WDR36: variants seen among roughly 807,000 people sequenced by gnomAD.
WDR36 encodes WD repeat-containing protein 36.
WDR36 carries 63 observed loss-of-function variants against 112.7 expected under a neutral mutation model. That is an observed-to-expected ratio of 0.56 (90% CI 0.46 to 0.69). WDR36 has a LOEUF of 0.69. WDR36 is among the 30% of genes least tolerant of loss of function. The pLI is 0.00. For synonymous variants in WDR36, 410 were observed against 362.2 expected (o/e 1.13, Z -1.50); for missense variants, 1,226 against 1,070.3 (o/e 1.15, Z -2.03).
intron 3 of WDR36, 28 bp from the exon 4 acceptor site, chr5:111,098,694 G>A: frequency 2.2e-6 from 3 of 1,363,634 alleles, no homozygotes; most frequent in Non-Finnish European, 3.2e-6. Context: ...GTAATAATAT[G>A]AAATTCTTTT....
chr5:111,092,552 G>C lies in WDR36; in HGVS notation c.96G>C (p.Arg32=). 1 of 1,614,220 alleles carries C rather than the reference G, an allele frequency of 6.2e-7. No individual in the cohort carries two copies. Among genetic ancestry groups the C allele is most frequent in the Non-Finnish European group, 8.5e-7 (1 of 1,180,042 alleles). Residue 32 remains arginine, a synonymous_variant, in exon 1 of 23, where the codon CGG becomes CGC. Coordinates refer to ENST00000513710, the MANE Select transcript of WDR36 (RefSeq NM_139281.3). ...LFSNDIPHVV[R]FSALKRRFYV... ...GCAACGACATTCCACACGTGGTGCGGTTCAGCGCGCTCAAGCGCCGGTTCT... is the reference window on the plus strand; with the variant it reads ...GCAACGACATTCCACACGTGGTGCGCTTCAGCGCGCTCAAGCGCCGGTTCT...
rs568717295 is a variant in WDR36, at chr5:111,108,101, G to A, written c.1326+662G>A. Among the ~76,000 whole-genome samples, 4 of 151,408 alleles carry A rather than the reference G, an allele frequency of 2.6e-5. No homozygotes were observed. The East Asian group carries it at 5.8e-4, about 22-fold the overall frequency. Reference sequence around the variant, plus strand: ...AGTGTTGTCTCTGATCTATGAACATGGGGTGTTTTTCCATTTGTTTAGATC... The same window carrying A: ...AGTGTTGTCTCTGATCTATGAACATAGGGTGTTTTTCCATTTGTTTAGATC... On this transcript the variant is annotated intron_variant, in intron 12 of 22. Coordinates refer to ENST00000513710, the MANE Select transcript of WDR36 (RefSeq NM_139281.3).
chr5:111,101,129 C>A (rs1165986370), intron 5 of WDR36, among the ~76,000 whole-genome samples: 5 of 151,908 alleles, frequency 3.3e-5, no homozygotes, highest in South Asian at 2.1e-4. Flanking sequence ...TTGGGGAAGT[C>A]CTGGAACCAA....
At chr5:111,121,763 A>G (rs951858305) in intron 19 of WDR36, among the ~76,000 whole-genome samples, 1 of 152,148 alleles carries the variant, frequency 6.6e-6, no homozygotes, top group Non-Finnish European at 1.5e-5. Flanking sequence ...TTTTTAGAGT[A>G]TGTTTTATGA....
At chr5:111,114,841 T>C (rs1390946803) in intron 16 of WDR36, among the ~76,000 whole-genome samples, 1 of 151,850 alleles carries the variant, frequency 6.6e-6, no homozygotes, top group East Asian at 1.9e-4. Flanking sequence ...TAGTGCCTTT[T>C]TCATTTTCCT....
At chr5:111,095,116 T>TAGTTGTTATGTATCTTTATTTTCTTTA in intron 2 of WDR36, 169 bp downstream of exon 2, 1 of 635,000 alleles carries the variant, frequency 1.6e-6, no homozygotes, top group Admixed American at 2.9e-5. Context: ...GTTTTGCTTT[T>TAGTTGTTATGTATCTTTATTTTCTTTA]AGTTGTTATG....
At chr5:111,108,000 G>A (rs1753253486) in intron 12 of WDR36, among the ~76,000 whole-genome samples, 2 of 151,042 alleles carry the variant, frequency 1.3e-5, no homozygotes, top group South Asian at 2.1e-4. Flanking sequence ...ATTTTAGAAT[G>A]AGCTTATCAA....
chr5:111,099,449 TTG>T (rs1753068100), intron 4 of WDR36, among the ~76,000 whole-genome samples: 3 of 94,396 alleles, frequency 3.2e-5, no homozygotes, highest in African/African-American at 8.9e-5. Context: ...TGGTTTTTTT[TTG>T]TTTTTTTTTT....
At chr5:111,097,015 T>C (rs775916805) in intron 2 of WDR36, 64 bp from the exon 3 acceptor site, 3 of 1,106,914 alleles carry the variant, frequency 2.7e-6, no homozygotes, top group Non-Finnish European at 4.2e-6. Flanking sequence ...GTTATATGTA[T>C]ACTTGAGGTT....
Position 111,120,597 on chromosome 5 carries a change from A to G in WDR36, c.2002+4A>G. The G allele has an allele frequency of 6.2e-7, 1 of 1,605,910 alleles. No homozygotes were observed. ...CCTGGTACTTGTCAAACCCAAGGTA[A>G]TTAGAAAATTGCAAAGTAATTTTTG... On this transcript the variant is annotated splice_donor_region_variant and intron_variant, in intron 18 of 22. Transcript: ENST00000513710.
At chr5:111,111,047 A>G (rs1266129048) in intron 14 of WDR36, 94 bp downstream of exon 14, 2 of 1,557,702 alleles carry the variant, frequency 1.3e-6, no homozygotes, top group Non-Finnish European at 1.8e-6. Flanking sequence ...AGACTCTTTA[A>G]TAAAGAACAA....
At chr5:111,120,660 T>A in intron 18 of WDR36, 67 bp downstream of exon 18, 1 of 1,338,376 alleles carries the variant, frequency 7.5e-7, no homozygotes, top group Non-Finnish European at 1.1e-6. Flanking sequence ...GAGATATTGC[T>A]ACCAAAGGCA....
chr5:111,120,387 G>T, intron 17 of WDR36, 109 bp from the exon 18 acceptor site: 3 of 849,586 alleles, frequency 3.5e-6, no homozygotes, highest in Non-Finnish European at 5.7e-6. Context: ...TATCTTTGAG[G>T]TATTTTTTAA....
At chr5:111,106,168 G>A (rs1753218791) in intron 11 of WDR36, 25 bp downstream of exon 11, 12 of 1,574,470 alleles carry the variant, frequency 7.6e-6, no homozygotes, top group Non-Finnish European at 1.0e-5. Flanking sequence ...ACTGTGTTTT[G>A]AGAAGTTCTC....
chr5:111,102,532 T>A, intron 6 of WDR36, 133 bp downstream of exon 6: 1 of 891,128 alleles, frequency 1.1e-6, no homozygotes, highest in Non-Finnish European at 1.8e-6. Context: ...ATTGTTAGCC[T>A]GAGGAAATAG....
At position 111,107,018 on chromosome 5, in the gene WDR36, T is replaced by C. The variant is rs190307450; in HGVS notation, c.1181-276T>C. 1.4e-4 allele frequency among the ~76,000 whole-genome samples: 21 copies of C among 151,574 alleles called. No individual in the cohort carries two copies. The East Asian group carries it at 3.9e-3, about 28-fold the overall frequency. ...TTATTGTAATTTCTTCTGATTAGAA[T>C]CTCTTGTTAGGTATGTTAATTAGCT... On this transcript the variant is annotated intron_variant, in intron 11 of 22. Coordinates refer to ENST00000513710, the MANE Select transcript of WDR36 (RefSeq NM_139281.3).
rs1254249369 is a variant in WDR36 at position 111,092,602 on chromosome 5, G to A, written c.146G>A (p.Ser49Asn). 1.9e-6 allele frequency: 3 copies of A among 1,613,534 alleles called. No homozygotes were observed. The highest frequency in any genetic ancestry group is 1.7e-6 in the Non-Finnish European group (2 of 1,179,898). ...RFYVTTCVGK[S>N]FHTYDVQKLS... ...TATGTAACAACCTGCGTGGGCAAGA[G>A]TTTCCACACCTATGACGTGAGTGAC... The change falls in exon 1 of 23, where the codon AGT (serine) becomes AAT (asparagine). Residue 49 changes from serine (S) to asparagine (N), a missense_variant. By Grantham distance (46) the Ser-to-Asn change is conservative. Coordinates refer to ENST00000513710, the MANE Select transcript of WDR36 (RefSeq NM_139281.3).
Position 111,129,368 on chromosome 5 carries a change from T to A in WDR36, c.*2485T>A. The A allele has an allele frequency of 1.0e-5, 2 of 193,170 alleles. No homozygotes were observed. The highest frequency in any genetic ancestry group is 6.1e-5 in the Admixed American group (1 of 16,394). 12.0% of individuals were successfully genotyped at this position (193,170 alleles called of 1,614,324 possible). ...AGTTACAGTTCCCCTGAGCAAGATA[T>A]GAGCATCTGCTTCCCCATGTAATTA... On this transcript the variant is annotated 3_prime_UTR_variant, in exon 23 of 23. Transcript: ENST00000513710.
Position 111,125,713 on chromosome 5 carries a change from G to A in WDR36, c.2456G>A (p.Ser819Asn). The stretch of plus-strand genomic sequence containing the variant: ...GGTGGGTCCATAGAAGTTATGCAGA[G>A]CTTCTTGAAAATGATTGGGATGATG... ...DCGGSIEVMQ[S>N]FLKMIGMMLD... Residue 819 changes from serine (S) to asparagine (N), a missense_variant, in exon 22 of 23, where the codon AGC becomes AAC. Physicochemically the swap from Ser to Asn is conservative, Grantham distance 46. Coordinates refer to ENST00000513710, the MANE Select transcript of WDR36 (RefSeq NM_139281.3). 1 of 1,613,956 alleles carries A rather than the reference G, an allele frequency of 6.2e-7. No homozygotes were observed. Among genetic ancestry groups the A allele is most frequent in the South Asian group, 1.1e-5 (1 of 91,086 alleles).
Sources: allele counts gnomAD v4.1 joint callset (sites outside exome capture counted in the v4.1 genomes callset), GRCh38; gene constraint gnomAD v4.1.1; transcripts MANE v1.5; gene names NCBI Gene and HGNC (gene_info 2026-07-23, HGNC 2026-07-21).